Variants in RBPJ observed in about 807,000 individuals in gnomAD.
RBPJ encodes the protein recombining binding protein suppressor of hairless.
In RBPJ, 9 loss-of-function variants were observed where a neutral mutation model predicts 67.8. That is an observed-to-expected ratio of 0.13 (90% CI 0.08 to 0.23). The LOEUF (loss-of-function observed/expected upper bound fraction) is 0.23, where lower values mean the gene tolerates loss of function less well. Ranked by LOEUF, RBPJ falls within the 10% of genes least tolerant of loss-of-function variation. The pLI is 1.00. For synonymous variants in RBPJ, 198 were observed against 203.3 expected, an observed-to-expected ratio of 0.97 and a Z score of 0.22; for missense variants, 305 against 595.6, an observed-to-expected ratio of 0.51 and a Z score of 5.08.
the RBPJ span, among the ~76,000 whole-genome samples, chr4:26,139,672 T>C: frequency 1.1e-4 from 17 of 151,860 alleles, no homozygotes; most frequent in African/African-American, 3.9e-4. Context: ...GAGCCTGGCA[T>C]TGCACAGAGT....
intron 1 of RBPJ, chr4:26,359,793 C>T (rs1727850791): frequency 6.6e-6 from 1 of 152,232 alleles, no homozygotes; most frequent in Non-Finnish European, 1.5e-5. Context: ...CCCCGCGGAT[C>T]AACACCTTCA....
Position 26,293,155 on chromosome 4 carries a change from G to A in RBPJ, c.-166-69291G>A, listed in dbSNP as rs959388719. 1.3e-5 allele frequency among the ~76,000 whole-genome samples: 2 copies of A among 150,248 alleles called. 1 individual carries two copies. Among genetic ancestry groups the A allele is most frequent in the Non-Finnish European group, 3.0e-5 (2 of 67,436 alleles). ...TTAGGCCAGTTGGGGTCCTTCTACT[G>A]CATAACCCAGGTTCCTCCTCAGGCC... On this transcript the variant is annotated intron_variant, in intron 1 of 4. Transcript: ENST00000512351.
chr4:26,311,741 C>A (rs1722434737), intron 1 of RBPJ, among the ~76,000 whole-genome samples: 1 of 152,016 alleles, frequency 6.6e-6, no homozygotes, highest in Non-Finnish European at 1.5e-5. Context: ...GAGAAAGTCC[C>A]AGAGAAAGGT....
chr4:26,253,313 T>C (rs903145931), intron 1 of RBPJ, among the ~76,000 whole-genome samples: 5 of 143,580 alleles, frequency 3.5e-5, no homozygotes, highest in African/African-American at 1.0e-4. Flanking sequence ...ATTTCTTTTT[T>C]TTTTTTTTTT....
chr4:26,223,472 G>A (rs552009664), intron 1 of RBPJ, among the ~76,000 whole-genome samples: 43 of 152,312 alleles, frequency 2.8e-4, no homozygotes, highest in African/African-American at 8.4e-4. Flanking sequence ...GCCTGAGAGC[G>A]GTCTTGAAAA....
intron 1 of RBPJ, among the ~76,000 whole-genome samples, chr4:26,233,548 C>A (rs1370546522): frequency 1.3e-5 from 2 of 152,200 alleles, no homozygotes; most frequent in South Asian, 2.1e-4. Context: ...GCTGACACTA[C>A]CTTCTCATTT....
At chr4:26,402,162 A>G (rs1732892406) in intron 2 of RBPJ, among the ~76,000 whole-genome samples, 1 of 152,104 alleles carries the variant, frequency 6.6e-6, no homozygotes. Context: ...TACTGGGATT[A>G]CAGCCGTGTG....
At chr4:26,212,432 C>CTTTTCT (rs1553849412) in intron 1 of RBPJ, among the ~76,000 whole-genome samples, 39 of 112,222 alleles carry the variant, frequency 3.5e-4, no homozygotes, top group Admixed American at 7.8e-4. Flanking sequence ...CTTTTCTTTT[C>CTTTTCT]TTTTTTTTTT....
chr4:26,338,415 A>G (rs1045400929), intron 1 of RBPJ, among the ~76,000 whole-genome samples: 2 of 151,890 alleles, frequency 1.3e-5, no homozygotes, highest in Non-Finnish European at 2.9e-5. Context: ...TGGCCTCCCA[A>G]AGTGCTGGGA....
intron 1 of RBPJ, among the ~76,000 whole-genome samples, chr4:26,365,463 A>C (rs1359501479): frequency 1.3e-5 from 2 of 152,234 alleles, no homozygotes; most frequent in East Asian, 3.8e-4. Context: ...GGGTCAAGAA[A>C]TAAATTCAGT....
chr4:26,265,607 C>T (rs954540603), intron 1 of RBPJ, among the ~76,000 whole-genome samples: 5 of 152,002 alleles, frequency 3.3e-5, no homozygotes, highest in Non-Finnish European at 1.5e-5. Flanking sequence ...TAATCATTCC[C>T]GATTATTTGA....
chr4:26,349,094 GCGCA>G lies in RBPJ; in HGVS notation c.20+28052_20+28055del, dbSNP rs1400041513. On this transcript the variant is annotated intron_variant, in intron 1 of 10. Coordinates refer to ENST00000355476, the MANE Select transcript of RBPJ (RefSeq NM_015874.6). ...AGTTTGTGTGTGTGTGTGTGCGCGC[GCGCA>G]CGCACTTGCCAGGCTCTAGAGTGCA... Among the ~76,000 whole-genome samples, 6 of 37,130 alleles carry G rather than the reference GCGCA, an allele frequency of 1.6e-4. No homozygotes were observed. The South Asian group carries it at 4.0e-3, about 25-fold the overall frequency. 24.4% of individuals were successfully genotyped at this position (37,130 alleles called of 152,430 possible).
the RBPJ span, among the ~76,000 whole-genome samples, chr4:26,131,252 A>C: frequency 4.3e-4 from 65 of 152,346 alleles, no homozygotes; most frequent in South Asian, 0.013. Context: ...ACTAGGTTAC[A>C]AGGTGGTTGC....
In RBPJ at chr4:26,426,276, T is replaced by G. The variant is rs186645939; in HGVS notation, c.747+1533T>G. Among the ~76,000 whole-genome samples the G allele has an allele frequency of 2.6e-3, 401 of 152,358 alleles. 1 individual carries two copies. The highest frequency in any genetic ancestry group is 8.6e-3 in the African/African-American group (359 of 41,592). Reference sequence around the variant, plus strand: ...GAAGCACAACTTAGGAGGATGATTCTGATCACCAATAGTTTATAATACAAA... The same window carrying G: ...GAAGCACAACTTAGGAGGATGATTCGGATCACCAATAGTTTATAATACAAA... On this transcript the variant is annotated intron_variant, in intron 7 of 10. Coordinates refer to ENST00000355476, the MANE Select transcript of RBPJ (RefSeq NM_015874.6).
chr4:26,136,304 G>C, the RBPJ span, among the ~76,000 whole-genome samples: 1 of 152,148 alleles, frequency 6.6e-6, no homozygotes, highest in Non-Finnish European at 1.5e-5. Context: ...CAAGATCTTG[G>C]CTCCCCAGCC....
At chr4:26,172,177 T>C (rs1716615016) in intron 1 of RBPJ, among the ~76,000 whole-genome samples, 1 of 152,164 alleles carries the variant, frequency 6.6e-6, no homozygotes, top group Non-Finnish European at 1.5e-5. Context: ...GCTCGTGATA[T>C]ATACAGACAG....
At chr4:26,283,961 T>A (rs1284433625) in intron 1 of RBPJ, among the ~76,000 whole-genome samples, 1 of 152,086 alleles carries the variant, frequency 6.6e-6, no homozygotes, top group Non-Finnish European at 1.5e-5. Context: ...TACAATGATT[T>A]TTATGGTTTG....
intron 1 of RBPJ, among the ~76,000 whole-genome samples, chr4:26,271,735 C>G (rs1171768077): frequency 6.6e-6 from 1 of 152,130 alleles, no homozygotes; most frequent in Non-Finnish European, 1.5e-5. Context: ...ATTCCTTTAT[C>G]TTCATCTAAG....
rs115675891 is a variant in RBPJ, at chr4:26,226,680, T to C, written c.-167+63066T>C. 6.1e-3 allele frequency among the ~76,000 whole-genome samples: 934 copies of C among 152,306 alleles called. 12 individuals carry two copies. Among genetic ancestry groups the C allele is most frequent in the African/African-American group, 0.022 (907 of 41,560 alleles). On this transcript the variant is annotated intron_variant, in intron 1 of 4. Coordinates refer to the RBPJ transcript ENST00000512351. ...TAGGCATGTAACTCTCAAAATTGCC[T>C]TAAAAATGTGTTCACTTGCTTCTGT... is the stretch of plus-strand genomic sequence containing the variant.
Sources: gnomAD v4.1 joint callset for allele counts (sites outside exome capture counted in the v4.1 genomes callset) on GRCh38, gnomAD v4.1.1 for gene constraint, MANE v1.5 for transcripts, NCBI Gene and HGNC (gene_info 2026-07-23, HGNC 2026-07-21) for gene names.